Variants in GSK3B observed in about 807,000 individuals in gnomAD.
The protein encoded by GSK3B is glycogen synthase kinase 3 beta.
Under a neutral mutation model 56.4 loss-of-function variants are expected in GSK3B, and 15 were observed. The observed-to-expected ratio is 0.27, with a 90% CI of 0.18 to 0.41. The LOEUF is 0.41. Ranked by LOEUF, GSK3B falls within the 10% of genes least tolerant of loss-of-function variation. GSK3B has a pLI of 1.00. For missense variants in GSK3B, 300 were observed against 513.4 expected, an observed-to-expected ratio of 0.58 and a Z score of 4.02; for synonymous variants, 181 against 188.9, an observed-to-expected ratio of 0.96 and a Z score of 0.34.
intron 10 of GSK3B, among the ~76,000 whole-genome samples, chr3:119,840,085 T>TCC (rs1191922373): frequency 6.6e-6 from 1 of 152,184 alleles, no homozygotes; most frequent in Non-Finnish European, 1.5e-5. Flanking sequence ...AGCTTAGCAG[T>TCC]CCCTCACTCT....
At position 120,093,864 on chromosome 3, in the gene GSK3B, G is replaced by A. The variant is rs975311327; in HGVS notation, c.-430C>T. On this transcript the variant is annotated 5_prime_UTR_variant, in exon 1 of 11. Coordinates refer to ENST00000264235, the MANE Select transcript of GSK3B (RefSeq NM_001146156.2). ...AGAAGGGAAGCGGCGGAAGGATCAC[G>A]AGTCTCACGCTTGAAGAGAAAGGGG... 8.0e-5 allele frequency: 16 copies of A among 200,258 alleles called. No homozygotes were observed. Among genetic ancestry groups the A allele is most frequent in the African/African-American group, 3.2e-4 (14 of 43,246 alleles). 12.4% of individuals were successfully genotyped at this position (200,258 alleles called of 1,614,324 possible). A position where few individuals can be genotyped will look rare whatever the true frequency, so the allele number is the denominator to read the frequency against.
intron 3 of GSK3B, among the ~76,000 whole-genome samples, chr3:119,945,148 G>A (rs1442768424): frequency 6.6e-6 from 1 of 152,130 alleles, no homozygotes; most frequent in Non-Finnish European, 1.5e-5. Flanking sequence ...GGAGATTACG[G>A]GAAGTCTTGA....
intron 4 of GSK3B, 138 bp downstream of exon 4, chr3:119,923,235 C>A (rs2056860608): frequency 2.1e-6 from 1 of 487,706 alleles, no homozygotes. Flanking sequence ...AAGGATTTAA[C>A]AAAGTTCCAA....
chr3:120,086,671 T>C (rs913878142), intron 1 of GSK3B, among the ~76,000 whole-genome samples: 5 of 152,080 alleles, frequency 3.3e-5, no homozygotes, highest in African/African-American at 1.2e-4. Flanking sequence ...GGCGCATGCC[T>C]ATAGTCCCAG....
intron 9 of GSK3B, among the ~76,000 whole-genome samples, chr3:119,853,306 T>A (rs2055965441): frequency 6.6e-6 from 1 of 152,244 alleles, no homozygotes; most frequent in Admixed American, 6.5e-5. Context: ...ACCAGTACCA[T>A]GCTGTTTTGG....
intron 3 of GSK3B, among the ~76,000 whole-genome samples, chr3:119,938,644 T>C (rs2057018308): frequency 6.6e-6 from 1 of 152,168 alleles, no homozygotes; most frequent in South Asian, 2.1e-4. Flanking sequence ...TTATATCATA[T>C]ACGTAATTAA....
chr3:119,941,665 C>G (rs910414183), intron 3 of GSK3B, among the ~76,000 whole-genome samples: 2 of 152,120 alleles, frequency 1.3e-5, no homozygotes, highest in Non-Finnish European at 2.9e-5. Flanking sequence ...TATATATTTG[C>G]TATTAATAAA....
intron 1 of GSK3B, among the ~76,000 whole-genome samples, chr3:120,078,979 C>T (rs909253624): frequency 6.3e-5 from 9 of 143,782 alleles, no homozygotes; most frequent in African/African-American, 1.8e-4. Context: ...CTCGCTGTCT[C>T]GCCCAGGCTG....
At chr3:119,947,242 C>G (rs779158580) in intron 3 of GSK3B, 26 bp downstream of exon 3, 8 of 1,198,490 alleles carry the variant, frequency 6.7e-6, no homozygotes, top group African/African-American at 1.5e-5. Context: ...TCACAATATT[C>G]AGTACACACT....
intron 7 of GSK3B, among the ~76,000 whole-genome samples, chr3:119,883,010 A>T (rs1193922095): frequency 1.3e-5 from 2 of 152,134 alleles, no homozygotes; most frequent in East Asian, 3.9e-4. Context: ...GCAATTAACT[A>T]AAAAAAGGTC....
intron 1 of GSK3B, among the ~76,000 whole-genome samples, chr3:120,010,086 A>C (rs1218328570): frequency 6.6e-6 from 1 of 152,222 alleles, no homozygotes; most frequent in Non-Finnish European, 1.5e-5. Context: ...CAGCAGTATT[A>C]TATATGCTTT....
chr3:119,882,251 C>T (rs1169820255), intron 7 of GSK3B, among the ~76,000 whole-genome samples: 1 of 151,998 alleles, frequency 6.6e-6, no homozygotes, highest in Admixed American at 6.6e-5. Context: ...CTTATATACA[C>T]GGTATGCTTA....
chr3:120,012,657 T>C (rs2057789335), intron 1 of GSK3B, among the ~76,000 whole-genome samples: 1 of 152,190 alleles, frequency 6.6e-6, no homozygotes, highest in South Asian at 2.1e-4. Flanking sequence ...TCACTTTCTA[T>C]TGAAGGCTGT....
At chr3:119,852,802 C>T (rs1296937604) in intron 9 of GSK3B, among the ~76,000 whole-genome samples, 1 of 152,122 alleles carries the variant, frequency 6.6e-6, no homozygotes, top group Non-Finnish European at 1.5e-5. Context: ...TGTTTAAGTT[C>T]TTTGTAGATT....
At chr3:120,066,676 T>C (rs2058282902) in intron 1 of GSK3B, among the ~76,000 whole-genome samples, 1 of 152,112 alleles carries the variant, frequency 6.6e-6, no homozygotes, top group Non-Finnish European at 1.5e-5. Flanking sequence ...AAAGAAATAA[T>C]GATCTAGATT....
At chr3:119,963,178 TAATGAA>T (rs2057288888) in intron 2 of GSK3B, among the ~76,000 whole-genome samples, 1 of 152,114 alleles carries the variant, frequency 6.6e-6, no homozygotes, top group African/African-American at 2.4e-5. Flanking sequence ...TATAAAACGC[TAATGAA>T]AGAAATTAAG....
At chr3:119,853,978 G>C (rs755997988) in intron 9 of GSK3B, among the ~76,000 whole-genome samples, 1 of 152,190 alleles carries the variant, frequency 6.6e-6, no homozygotes, top group Non-Finnish European at 1.5e-5. Flanking sequence ...TGGTGAGAAA[G>C]GGAACCCCTG....
At chr3:119,941,627 G>A (rs1237401921) in intron 3 of GSK3B, among the ~76,000 whole-genome samples, 1 of 152,064 alleles carries the variant, frequency 6.6e-6, no homozygotes, top group African/African-American at 2.4e-5. Context: ...AACAGCTCAG[G>A]ACAATGTTTG....
At chr3:120,066,905 A>C (rs900748424) in intron 1 of GSK3B, among the ~76,000 whole-genome samples, 1 of 152,190 alleles carries the variant, frequency 6.6e-6, no homozygotes, top group South Asian at 2.1e-4. Context: ...AGAAACCTTG[A>C]TCTAGACCAG....
Sources: gnomAD v4.1 joint callset for allele counts (sites outside exome capture counted in the v4.1 genomes callset) on GRCh38, gnomAD v4.1.1 for gene constraint, MANE v1.5 for transcripts, NCBI Gene and HGNC (gene_info 2026-07-23, HGNC 2026-07-21) for gene names.